Variants in ARHGEF3 observed in about 807,000 individuals in gnomAD.
ARHGEF3 encodes the protein 59.8 kDA protein.
A neutral mutation model predicts 63.2 loss-of-function variants in ARHGEF3; 28 were observed. The observed-to-expected ratio is 0.44, with a 90% CI of 0.33 to 0.61. The LOEUF (loss-of-function observed/expected upper bound fraction) is 0.61. Among genes scored for constraint, ARHGEF3 ranks in the 20% least tolerant of loss-of-function variants. The pLI, the probability that ARHGEF3 is intolerant of heterozygous loss-of-function variation, is 0.03. For synonymous variants in ARHGEF3, 266 were observed against 254.2 expected, an observed-to-expected ratio of 1.05 and a Z score of -0.44; for missense variants, 533 against 659.3, an observed-to-expected ratio of 0.81 and a Z score of 2.10.
upstream of ARHGEF3, among the ~76,000 whole-genome samples, chr3:56,804,784 A>AC (rs561467226): frequency 1.4e-4 from 22 of 152,328 alleles, no homozygotes; most frequent in South Asian, 4.1e-3. Context: ...TGGGGAGCTC[A>AC]CACAAGTGCT....
intron 2 of ARHGEF3, among the ~76,000 whole-genome samples, chr3:56,965,648 T>A: frequency 8.3e-6 from 1 of 120,880 alleles, no homozygotes; most frequent in African/African-American, 2.7e-5. Context: ...CTACATTCTT[T>A]TTTTTTTTTT....
intron 1 of ARHGEF3, among the ~76,000 whole-genome samples, chr3:57,037,413 T>C (rs1704007514): frequency 6.6e-6 from 1 of 152,156 alleles, no homozygotes; most frequent in Non-Finnish European, 1.5e-5. Context: ...TACACCCACA[T>C]TCCAAAATGA....
rs10662620 is a variant in ARHGEF3 at position 56,741,184 on chromosome 3, C to CTTTTTTTTTTT, written c.871-3840_871-3830dup. Among the ~76,000 whole-genome samples the CTTTTTTTTTTT allele has an allele frequency of 3.1e-5, 4 of 128,870 alleles. 1 individual carries two copies. Among genetic ancestry groups the CTTTTTTTTTTT allele is most frequent in the Admixed American group, 1.7e-4 (2 of 11,786 alleles). 84.5% of individuals were successfully genotyped at this position (128,870 alleles called of 152,430 possible). A position where few individuals can be genotyped will look rare whatever the true frequency, so the allele number is the denominator to read the frequency against. On this transcript the variant is annotated intron_variant, in intron 7 of 9. Coordinates refer to ENST00000296315, the MANE Select transcript of ARHGEF3 (RefSeq NM_019555.3). Reference sequence around the variant, plus strand: ...AGAATCTTATCTCTCTGCTTTGGTTCTTTTTTTTTTTTTTTTTGGAGACTG... The same window carrying CTTTTTTTTTTT: ...AGAATCTTATCTCTCTGCTTTGGTTCTTTTTTTTTTTTTTTTTTTTTTTTTTTTGGAGACTG...
intron 1 of ARHGEF3, chr3:56,774,927 A>C: frequency 3.0e-6 from 2 of 662,496 alleles, no homozygotes; most frequent in Non-Finnish European, 4.2e-6. Context: ...CAACAACAAC[A>C]AAAAAAAAAC....
chr3:56,809,512 G>T (rs1345848036), intron 4 of ARHGEF3, among the ~76,000 whole-genome samples: 1 of 152,084 alleles, frequency 6.6e-6, no homozygotes, highest in Admixed American at 6.5e-5. Context: ...ACAAAAACCT[G>T]TCTCACTGAA....
intron 4 of ARHGEF3, among the ~76,000 whole-genome samples, chr3:56,867,365 A>T (rs913584190): frequency 6.6e-6 from 1 of 152,260 alleles, no homozygotes; most frequent in Non-Finnish European, 1.5e-5. Context: ...TAATAAATTT[A>T]AAAAATACAT....
chr3:56,987,460 G>C (rs1701587885), intron 2 of ARHGEF3, among the ~76,000 whole-genome samples: 1 of 152,150 alleles, frequency 6.6e-6, no homozygotes, highest in Admixed American at 6.5e-5. Flanking sequence ...GGAAGTGTTT[G>C]GCACAGGAGG....
intron 1 of ARHGEF3, among the ~76,000 whole-genome samples, chr3:56,797,780 T>C (rs1166554777): frequency 2.0e-5 from 3 of 152,206 alleles, no homozygotes; most frequent in East Asian, 1.9e-4. Flanking sequence ...TTCTCAGTTA[T>C]GTAAGGTGCT....
At chr3:57,053,627 C>G (rs1281038142) in intron 1 of ARHGEF3, among the ~76,000 whole-genome samples, 1 of 152,216 alleles carries the variant, frequency 6.6e-6, no homozygotes, top group Non-Finnish European at 1.5e-5. Flanking sequence ...CAGTTCCTGT[C>G]TCCTAGAAAG....
upstream of ARHGEF3, chr3:56,802,013 G>A (rs915027290): frequency 1.5e-5 from 19 of 1,256,802 alleles, no homozygotes; most frequent in African/African-American, 1.4e-4. Flanking sequence ...GAGGGGGCGG[G>A]CCGCCGGCTC....
chr3:56,778,658 C>T (rs2036399081), intron 1 of ARHGEF3, among the ~76,000 whole-genome samples: 1 of 152,080 alleles, frequency 6.6e-6, no homozygotes, highest in Non-Finnish European at 1.5e-5. Flanking sequence ...CTCAGCCTCT[C>T]AAGAAACTGG....
At chr3:56,895,222 C>A (rs2041259442) in intron 3 of ARHGEF3, among the ~76,000 whole-genome samples, 1 of 152,112 alleles carries the variant, frequency 6.6e-6, no homozygotes, top group Admixed American at 6.5e-5. Context: ...AACTGGCTTT[C>A]ACGTTATTGT....
chr3:56,848,663 C>G (rs189315512), intron 4 of ARHGEF3, among the ~76,000 whole-genome samples: 1 of 152,110 alleles, frequency 6.6e-6, no homozygotes, highest in East Asian at 1.9e-4. Context: ...CCCACTAAGA[C>G]TTTATTTGTT....
Position 56,773,780 on chromosome 3 carries a change from C to G in ARHGEF3, c.133G>C (p.Val45Leu), listed in dbSNP as rs1450946796. ...SNKRVKPLSR[V>L]TSLANLIPPV... The stretch of plus-strand genomic sequence containing the variant: ...GGGATGAGGTTTGCTAGCGACGTGA[C>G]TCGGGAAAGGGGTTTGACCCGTTTA... The change falls in exon 2 of 10, where the codon GTC (valine) becomes CTC (leucine). Residue 45 changes from valine to leucine, a missense_variant. Val to Leu is a conservative substitution (Grantham distance 32). Transcript: ENST00000296315. 6.2e-7 allele frequency: 1 copy of G among 1,602,280 alleles called. No homozygotes were observed. Among genetic ancestry groups the G allele is most frequent in the Admixed American group, 1.8e-5 (1 of 56,526 alleles).
At chr3:57,059,147 TA>T (rs961822597) in intron 1 of ARHGEF3, among the ~76,000 whole-genome samples, 1 of 151,796 alleles carries the variant, frequency 6.6e-6, no homozygotes, top group Admixed American at 6.6e-5. Context: ...ATAATAATAA[TA>T]AAAAAAAGAA....
At chr3:56,780,329 C>A (rs1559933711) in intron 1 of ARHGEF3, among the ~76,000 whole-genome samples, 1 of 152,220 alleles carries the variant, frequency 6.6e-6, no homozygotes, top group African/African-American at 2.4e-5. Context: ...TATGAGCATA[C>A]TCTTTTTCAA....
rs143018208 is a variant in ARHGEF3, at chr3:56,974,674, C to T, written c.63-15785G>A. Among the ~76,000 whole-genome samples the T allele has an allele frequency of 2.8e-3, 425 of 152,194 alleles. 3 individuals are homozygous for T. The highest frequency in any genetic ancestry group is 9.7e-3 in the African/African-American group (402 of 41,528). On this transcript the variant is annotated intron_variant, in intron 2 of 12. Coordinates refer to the ARHGEF3 transcript ENST00000338458. ...TCGTTCTCCCTCTCCCCTCCCCCTG[C>T]CCCCCACATCCATCTGAATCATCGC...
At chr3:56,786,661 T>C (rs1037053796) in intron 1 of ARHGEF3, among the ~76,000 whole-genome samples, 1 of 152,088 alleles carries the variant, frequency 6.6e-6, no homozygotes, top group Non-Finnish European at 1.5e-5. Flanking sequence ...CTCTCAGCAA[T>C]TAATATGCAA....
chr3:56,737,223 A>T lies in ARHGEF3; in HGVS notation c.1003T>A (p.Leu335Met), dbSNP rs3772219. 6.8e-6 allele frequency: 11 copies of T among 1,613,710 alleles called. No individual in the cohort carries two copies. The highest frequency in any genetic ancestry group is 4.0e-5 in the African/African-American group (3 of 74,858). The change falls in exon 8 of 10, where the codon TTG becomes ATG. Residue 335 changes from leucine (L) to methionine (M), a missense_variant. This residue lies in a region of ARHGEF3 where 151 missense variants were observed against 190.7 expected (regional missense o/e 0.79). Transcript: ENST00000296315. ...KDSLIDSSRV[L>M]CCHGELKNNR... ...TTCTTCAGTTCACCATGACAACACA[A>T]GACTCGAGAGCTGTCGATCAGGGAG...
Sources: allele counts gnomAD v4.1 joint callset (sites outside exome capture counted in the v4.1 genomes callset), GRCh38; gene constraint gnomAD v4.1.1; regional missense constraint gnomAD v4.1.1; transcripts MANE v1.5; gene names NCBI Gene and HGNC (gene_info 2026-07-23, HGNC 2026-07-21).